SNTB2: variants seen among roughly 807,000 people sequenced by gnomAD.
The protein encoded by SNTB2 is syntrophin beta 2.
In SNTB2, 34 loss-of-function variants were observed where a neutral mutation model predicts 46.2. The ratio of observed to expected loss-of-function variants is 0.74; its 90% CI spans 0.56 to 0.98. The LOEUF is 0.98. Ranked by LOEUF, SNTB2 falls within the 50% of genes least tolerant of loss-of-function variation. The pLI is 0.00. For synonymous variants in SNTB2, 290 were observed against 312.6 expected, an observed-to-expected ratio of 0.93 and a Z score of 0.76; for missense variants, 603 against 731.4, an observed-to-expected ratio of 0.82 and a Z score of 2.02.
At chr16:69,204,167 C>CA (rs1964192646) in intron 1 of SNTB2, among the ~76,000 whole-genome samples, 1 of 152,170 alleles carries the variant, frequency 6.6e-6, no homozygotes, top group African/African-American at 2.4e-5. Flanking sequence ...GCTGGGATTA[C>CA]AGGCGTGAGC....
At chr16:69,275,219 TA>T (rs1379174739) in intron 4 of SNTB2, among the ~76,000 whole-genome samples, 6 of 152,020 alleles carry the variant, frequency 3.9e-5, no homozygotes, top group Non-Finnish European at 7.4e-5. Flanking sequence ...ACTATAGGCA[TA>T]AGCCACTATG....
At chr16:69,221,800 G>T (rs1283883654) in intron 1 of SNTB2, among the ~76,000 whole-genome samples, 1 of 152,256 alleles carries the variant, frequency 6.6e-6, no homozygotes, top group Non-Finnish European at 1.5e-5. Flanking sequence ...TGTTATGTCA[G>T]TGTAGAACAA....
intron 4 of SNTB2, among the ~76,000 whole-genome samples, chr16:69,272,905 A>G (rs551787372): frequency 6.6e-6 from 1 of 151,788 alleles, no homozygotes; most frequent in Non-Finnish European, 1.5e-5. Flanking sequence ...AAAAAAAAAA[A>G]AAAGAAATGG....
At chr16:69,226,386 T>TA (rs76519163) in intron 1 of SNTB2, among the ~76,000 whole-genome samples, 2,461 of 128,822 alleles carry the variant, frequency 0.019, 15 homozygotes, top group African/African-American at 0.022. Flanking sequence ...TTCTTAAGAG[T>TA]AAAAAAAAAA....
rs775908232 is a variant in SNTB2, at chr16:69,303,609, A to G, written c.*2685A>G. ...AAAGTGTGGGAGGTTTCCTTTGTCC[A>G]TTAGCAGCCCCAAGAACCAGAACCC... On this transcript the variant is annotated 3_prime_UTR_variant, in exon 7 of 7. Coordinates refer to ENST00000336278, the MANE Select transcript of SNTB2 (RefSeq NM_006750.4). 6.6e-6 allele frequency: 1 copy of G among 152,624 alleles called. No individual in the cohort carries two copies. Among genetic ancestry groups the G allele is most frequent in the Non-Finnish European group, 1.5e-5 (1 of 68,038 alleles). The allele number at this position is 152,624 out of a possible 1,614,324, so 9.5% of individuals were successfully genotyped here. A position where few individuals can be genotyped will look rare whatever the true frequency, so the allele number is the denominator to read the frequency against.
chr16:69,250,480 A>G (rs905020058), intron 2 of SNTB2, among the ~76,000 whole-genome samples: 7 of 152,266 alleles, frequency 4.6e-5, no homozygotes, highest in Admixed American at 3.3e-4. Flanking sequence ...AGTTATTATT[A>G]TAGGCATTGT....
At position 69,304,163 on chromosome 16, in the gene SNTB2, G is replaced by GA. The variant is rs35566167; in HGVS notation, c.*3244dup. On this transcript the variant is annotated 3_prime_UTR_variant, in exon 7 of 7. Transcript: ENST00000336278. ...AAAAACATTCAGTTTTTCTTTTTCTGAAAAAGGTAAGTCCTTTCCTGAAGT... is the reference window on the plus strand; with the variant it reads ...AAAAACATTCAGTTTTTCTTTTTCTGAAAAAAGGTAAGTCCTTTCCTGAAGT... The GA allele has an allele frequency of 6.6e-6, 1 of 152,092 alleles. No individual in the cohort carries two copies. Among genetic ancestry groups the GA allele is most frequent in the South Asian group, 2.1e-4 (1 of 4,832 alleles). The allele number at this position is 152,092 out of a possible 1,614,324, so 9.4% of individuals were successfully genotyped here.
At chr16:69,211,359 TTTAG>T (rs1036722448) in intron 1 of SNTB2, among the ~76,000 whole-genome samples, 2 of 151,960 alleles carry the variant, frequency 1.3e-5, no homozygotes, top group African/African-American at 4.8e-5. Context: ...TTAATAATTC[TTTAG>T]TTACTCTTCA....
intron 5 of SNTB2, among the ~76,000 whole-genome samples, chr16:69,296,117 T>G (rs1965220745): frequency 6.6e-6 from 1 of 151,386 alleles, no homozygotes; most frequent in Admixed American, 6.6e-5. Flanking sequence ...CCATCTCTAC[T>G]AAAAATACAA....
At chr16:69,278,718 C>T (rs937383129) in intron 4 of SNTB2, among the ~76,000 whole-genome samples, 5 of 152,128 alleles carry the variant, frequency 3.3e-5, no homozygotes, top group South Asian at 4.1e-4. Flanking sequence ...GGCCTCCCAA[C>T]GTGCTGGGAT....
At chr16:69,295,890 A>G (rs909451102) in intron 5 of SNTB2, among the ~76,000 whole-genome samples, 1 of 152,194 alleles carries the variant, frequency 6.6e-6, no homozygotes, top group Non-Finnish European at 1.5e-5. Context: ...GATGTACTCA[A>G]TGTTTAGAGA....
intron 1 of SNTB2, among the ~76,000 whole-genome samples, chr16:69,190,694 G>A (rs1964040751): frequency 6.6e-6 from 1 of 152,130 alleles, no homozygotes; most frequent in Admixed American, 6.6e-5. Context: ...AGACACAGAA[G>A]TGCAAGACAT....
intron 1 of SNTB2, among the ~76,000 whole-genome samples, chr16:69,226,026 C>G (rs1489402189): frequency 6.6e-6 from 1 of 151,880 alleles, no homozygotes; most frequent in African/African-American, 2.4e-5. Flanking sequence ...CCTCGGCCTC[C>G]CAAAGTGCTA....
intron 4 of SNTB2, among the ~76,000 whole-genome samples, chr16:69,276,016 A>G (rs1181605123): frequency 2.6e-5 from 4 of 152,212 alleles, no homozygotes; most frequent in Admixed American, 6.5e-5. Context: ...GTTCAGGCCA[A>G]TGAGGAATAA....
chr16:69,190,754 G>A (rs1964041480), intron 1 of SNTB2, among the ~76,000 whole-genome samples: 1 of 152,196 alleles, frequency 6.6e-6, no homozygotes, highest in African/African-American at 2.4e-5. Flanking sequence ...GGACTTTGTG[G>A]TCAGATGTGG....
chr16:69,220,756 T>C (rs2152293562), intron 1 of SNTB2, among the ~76,000 whole-genome samples: 2 of 152,216 alleles, frequency 1.3e-5, no homozygotes, highest in East Asian at 3.9e-4. Context: ...AGTCTCAAAC[T>C]CTTGGCCTCA....
intron 1 of SNTB2, among the ~76,000 whole-genome samples, chr16:69,239,704 C>T (rs984173141): frequency 6.6e-6 from 1 of 152,110 alleles, no homozygotes; most frequent in Admixed American, 6.6e-5. Flanking sequence ...ACCACTATGC[C>T]TGGCTAATTT....
chr16:69,286,552 A>G (rs1238814662), intron 5 of SNTB2, among the ~76,000 whole-genome samples: 1 of 151,894 alleles, frequency 6.6e-6, no homozygotes, highest in African/African-American at 2.4e-5. Context: ...GGGAGTGGTG[A>G]CACACATCTG....
intron 1 of SNTB2, among the ~76,000 whole-genome samples, chr16:69,201,828 A>T (rs374570768): frequency 3.6e-4 from 54 of 151,964 alleles, no homozygotes; most frequent in East Asian, 1.5e-3. Context: ...TATTATTATT[A>T]TTTTTTTTGA....
Sources: gnomAD v4.1 joint callset for allele counts (sites outside exome capture counted in the v4.1 genomes callset) on GRCh38, gnomAD v4.1.1 for gene constraint, MANE v1.5 for transcripts, NCBI Gene and HGNC (gene_info 2026-07-23, HGNC 2026-07-21) for gene names.